The following CLDN10 variants were observed in gnomAD, a reference collection of about 807,000 sequenced individuals.
CLDN10 encodes claudin 10.
In CLDN10, 15 loss-of-function variants were observed where a neutral mutation model predicts 22.9. The ratio of observed to expected loss-of-function variants is 0.65; its 90% CI spans 0.44 to 1.01. The LOEUF (loss-of-function observed/expected upper bound fraction) is 1.01, where lower values mean the gene tolerates loss of function less well. Ranked by LOEUF, CLDN10 falls within the 50% of genes least tolerant of loss-of-function variation. The pLI is 0.00. For synonymous variants in CLDN10, 114 were observed against 111.4 expected, an observed-to-expected ratio of 1.02 and a Z score of -0.15; for missense variants, 247 against 287.8, an observed-to-expected ratio of 0.86 and a Z score of 1.03.
At chr13:95,540,048 C>A (rs746323452) in intron 1 of CLDN10, among the ~76,000 whole-genome samples, 1 of 149,986 alleles carries the variant, frequency 6.7e-6, no homozygotes, top group Non-Finnish European at 1.5e-5. Flanking sequence ...GCCTGTAATT[C>A]CAGCACTTTG....
intron 1 of CLDN10, among the ~76,000 whole-genome samples, chr13:95,496,808 C>T (rs1164851799): frequency 1.3e-5 from 2 of 152,228 alleles, no homozygotes; most frequent in East Asian, 1.9e-4. Context: ...ACAGCTTCAA[C>T]ATATGGATCT....
At chr13:95,575,944 A>G (rs1187720486) in intron 3 of CLDN10, among the ~76,000 whole-genome samples, 1 of 152,240 alleles carries the variant, frequency 6.6e-6, no homozygotes, top group Non-Finnish European at 1.5e-5. Flanking sequence ...TGCCAGTGCC[A>G]GGTACCATGC....
intron 1 of CLDN10, among the ~76,000 whole-genome samples, chr13:95,498,625 C>G (rs1365135448): frequency 6.6e-6 from 1 of 152,126 alleles, no homozygotes; most frequent in Non-Finnish European, 1.5e-5. Context: ...AAACTCCTGG[C>G]CTTAAGTGAT....
At chr13:95,488,491 T>C (rs2042830591) in intron 1 of CLDN10, among the ~76,000 whole-genome samples, 1 of 140,334 alleles carries the variant, frequency 7.1e-6, no homozygotes, top group Non-Finnish European at 1.5e-5. Flanking sequence ...CTGCACCATA[T>C]TTGTAGTCTT....
At chr13:95,548,702 T>C (rs1003089253), upstream of CLDN10, among the ~76,000 whole-genome samples, 2 of 152,216 alleles carry the variant, frequency 1.3e-5, no homozygotes, top group Non-Finnish European at 2.9e-5. Flanking sequence ...GGCATTAATG[T>C]CTTCTTTAAT....
rs906710370 is a variant in CLDN10 at position 95,579,217 on chromosome 13, T to A, written c.*1203T>A. On this transcript the variant is annotated 3_prime_UTR_variant, in exon 5 of 5. Transcript: ENST00000299339. ...ACTGACGGGCCGAGTTCTATCTAGG[T>A]GTGTCTTCCAGAACCTGTTTACGGC... The A allele has an allele frequency of 3.9e-5, 6 of 152,208 alleles. No homozygotes were observed. Among genetic ancestry groups the A allele is most frequent in the Admixed American group, 3.9e-4 (6 of 15,282 alleles). 9.4% of individuals were successfully genotyped at this position (152,208 alleles called of 1,614,324 possible).
In CLDN10 at chr13:95,546,875, C is replaced by A. The variant is rs541591834; in HGVS notation, c.215-13257C>A. 1.2e-4 allele frequency among the ~76,000 whole-genome samples: 18 copies of A among 152,188 alleles called. No individual in the cohort carries two copies. In the South Asian group the frequency reaches 3.3e-3, roughly 28 times the overall value. On this transcript the variant is annotated intron_variant, in intron 1 of 4. Coordinates refer to the CLDN10 transcript ENST00000376873. ...ATTTCCCACTTCTTCTCTTCTTTAT[C>A]TTTATTTCTTGCCCCTTGCTTTTCT...
At chr13:95,453,238 C>T (rs1186864135) in intron 1 of CLDN10, among the ~76,000 whole-genome samples, 1 of 152,202 alleles carries the variant, frequency 6.6e-6, no homozygotes, top group East Asian at 1.9e-4. Flanking sequence ...AACATCTCTT[C>T]CCTATCAATA....
At chr13:95,433,996 G>A (rs1244558767) in exon 1 of CLDN10, 1 of 1,614,202 alleles carries the variant, frequency 6.2e-7, no homozygotes, top group African/African-American at 1.3e-5. Flanking sequence ...CGCAGGTAAC[G>A]CGTTGGGTTC....
At chr13:95,486,852 AGT>A (rs1195619599) in intron 1 of CLDN10, among the ~76,000 whole-genome samples, 1 of 152,288 alleles carries the variant, frequency 6.6e-6, no homozygotes, top group African/African-American at 2.4e-5. Flanking sequence ...TTACCGCCTC[AGT>A]GTTCAACATG....
At chr13:95,524,741 T>A (rs2043261364) in intron 1 of CLDN10, among the ~76,000 whole-genome samples, 2 of 152,222 alleles carry the variant, frequency 1.3e-5, no homozygotes, top group African/African-American at 4.8e-5. Flanking sequence ...CCAGACTCTT[T>A]TCCACAGCGG....
At chr13:95,513,502 T>C (rs1474971324) in intron 1 of CLDN10, among the ~76,000 whole-genome samples, 1 of 151,924 alleles carries the variant, frequency 6.6e-6, no homozygotes, top group Non-Finnish European at 1.5e-5. Flanking sequence ...TCCAGCCCTT[T>C]CTTCTTTCAC....
intron 1 of CLDN10, among the ~76,000 whole-genome samples, chr13:95,453,399 A>G (rs909672429): frequency 5.3e-5 from 8 of 152,158 alleles, no homozygotes; most frequent in Non-Finnish European, 1.2e-4. Context: ...AAACAAGCAC[A>G]GAGGCTGGGC....
At chr13:95,567,464 T>C (rs2043801370) in intron 3 of CLDN10, among the ~76,000 whole-genome samples, 1 of 152,256 alleles carries the variant, frequency 6.6e-6, no homozygotes, top group Non-Finnish European at 1.5e-5. Flanking sequence ...TTTTTGCACA[T>C]TGATTTTGTA....
intron 1 of CLDN10, among the ~76,000 whole-genome samples, chr13:95,536,619 G>T (rs1415443543): frequency 6.6e-6 from 1 of 152,102 alleles, no homozygotes; most frequent in African/African-American, 2.4e-5. Flanking sequence ...TTGATTAAAA[G>T]AAAACGATAG....
At chr13:95,521,585 C>T (rs143008339) in intron 1 of CLDN10, among the ~76,000 whole-genome samples, 2,075 of 152,246 alleles carry the variant, frequency 0.014, 32 homozygotes, top group South Asian at 0.031. Context: ...AGTTTGCTAA[C>T]ACTTCATTTA....
chr13:95,558,056 T>C (rs189745317), intron 1 of CLDN10, among the ~76,000 whole-genome samples: 13 of 152,298 alleles, frequency 8.5e-5, no homozygotes, highest in African/African-American at 3.1e-4. Context: ...TATATATAAA[T>C]GGATGAGTCC....
chr13:95,529,407 C>G (rs9590297), intron 1 of CLDN10, among the ~76,000 whole-genome samples: 75,799 of 151,894 alleles, frequency 0.5, 19,103 homozygotes, highest in African/African-American at 0.54. Context: ...ATAATGTACC[C>G]TGTTACATAG....
chr13:95,446,038 G>A (rs2042375132), intron 1 of CLDN10, among the ~76,000 whole-genome samples: 1 of 151,956 alleles, frequency 6.6e-6, no homozygotes, highest in African/African-American at 2.4e-5. Context: ...TGGAAGAAAT[G>A]GAAAAAAAAT....
Sources: gnomAD v4.1 joint callset for allele counts (sites outside exome capture counted in the v4.1 genomes callset) on GRCh38, gnomAD v4.1.1 for gene constraint, MANE v1.5 for transcripts, NCBI Gene and HGNC (gene_info 2026-07-23, HGNC 2026-07-21) for gene names.